The following CR1 variants were observed in gnomAD, a reference collection of about 807,000 sequenced individuals.
CR1 encodes the protein complement receptor type 1.
CR1 carries 116 observed loss-of-function variants against 187.3 expected under a neutral mutation model. The ratio of observed to expected loss-of-function variants is 0.62; its 90% CI spans 0.53 to 0.72. CR1 has a LOEUF of 0.72. CR1 is among the 30% of genes least tolerant of loss of function. CR1 has a pLI of 0.00. For synonymous variants in CR1, 576 were observed against 747.1 expected (o/e 0.77, Z 3.73); for missense variants, 1,731 against 2,110.7 (o/e 0.82, Z 3.52).
rs570846321 is a variant in CR1 at position 207,575,626 on chromosome 1, T to C, written c.4483T>C (p.Cys1495Arg). ...HRLIGHSSAECILSGNTAHWS... is the reference protein window; with the variant it reads ...HRLIGHSSAERILSGNTAHWS... Reference sequence around the variant, plus strand: ...ACTCATTGGTCACTCATCTGCTGAATGTATCCTCTCAGGCAATACTGCCCA... The same window carrying C: ...ACTCATTGGTCACTCATCTGCTGAACGTATCCTCTCAGGCAATACTGCCCA... Residue 1495 changes from cysteine (C) to arginine (R), a missense_variant, in exon 28 of 47, where the codon TGT becomes CGT. Cys to Arg is a radical substitution (Grantham distance 180). This residue lies in a region of CR1 where 1,312 missense variants were observed against 1,379.6 expected (regional missense o/e 0.95). Coordinates refer to ENST00000367049, the MANE Select transcript of CR1 (RefSeq NM_000651.6). The C allele has an allele frequency of 1.9e-6, 3 of 1,611,876 alleles. No homozygotes were observed. The highest frequency in any genetic ancestry group is 2.7e-5 in the African/African-American group (2 of 74,996).
chr1:207,576,782 T>C (rs1264422976), intron 28 of CR1, among the ~76,000 whole-genome samples: 1 of 152,156 alleles, frequency 6.6e-6, no homozygotes. Flanking sequence ...ATCGTGCCAC[T>C]GCACTCCAGC....
rs1571630538 is a variant in CR1, at chr1:207,639,259, T to TCCTAAAGC, written c.7458-138_7458-137insCCTAAAGC. 36 of 695,362 alleles carry TCCTAAAGC rather than the reference T, an allele frequency of 5.2e-5. No homozygotes were observed. The East Asian group carries it at 9.7e-4, about 19-fold the overall frequency. 43.1% of individuals were successfully genotyped at this position (695,362 alleles called of 1,614,324 possible). On this transcript the variant is annotated intron_variant, in intron 46 of 46. Coordinates refer to ENST00000367049, the MANE Select transcript of CR1 (RefSeq NM_000651.6). Reference sequence around the variant, plus strand: ...TTATAACATTTCCCTCCAAATGTTCTAACTTGTCCTCCTAAAGCAACTCCT... The same window carrying TCCTAAAGC: ...TTATAACATTTCCCTCCAAATGTTCTCCTAAAGCAACTTGTCCTCCTAAAGCAACTCCT...
At chr1:207,622,924 A>G (rs1408123186) in intron 44 of CR1, 69 bp from the exon 45 acceptor site, 2 of 1,106,446 alleles carry the variant, frequency 1.8e-6, no homozygotes, top group Non-Finnish European at 2.6e-6. Flanking sequence ...GGGACTGGAT[A>G]CTAAGATAGA....
chr1:207,516,503 T>G (rs1659812565), intron 4 of CR1, among the ~76,000 whole-genome samples: 1 of 152,234 alleles, frequency 6.6e-6, no homozygotes. Flanking sequence ...ATATAAAATT[T>G]AGAATCAGCT....
At chr1:207,524,343 TAAAAC>T (rs1457740888) in intron 5 of CR1, among the ~76,000 whole-genome samples, 1 of 152,014 alleles carries the variant, frequency 6.6e-6, no homozygotes, top group Non-Finnish European at 1.5e-5. Context: ...TTTTAATCCT[TAAAAC>T]AAAGTTATTA....
chr1:207,586,036 C>T (rs1661101546), intron 33 of CR1, among the ~76,000 whole-genome samples: 1 of 152,098 alleles, frequency 6.6e-6, no homozygotes, highest in Non-Finnish European at 1.5e-5. Context: ...ATGCAGCACA[C>T]AATATACTCT....
intron 46 of CR1, among the ~76,000 whole-genome samples, chr1:207,633,960 G>A (rs932950193): frequency 1.3e-5 from 2 of 152,184 alleles, no homozygotes; most frequent in African/African-American, 4.8e-5. Flanking sequence ...GTCGCAAGGT[G>A]CTCAGTGGGG....
intron 35 of CR1, chr1:207,600,610 G>A (rs938530749): frequency 6.6e-6 from 1 of 152,142 alleles, no homozygotes; most frequent in African/African-American, 2.4e-5. Context: ...TTTAAAAACA[G>A]CCATTGCAGA....
At chr1:207,621,892 T>C (rs1371469972) in intron 43 of CR1, 81 bp from the exon 44 acceptor site, 9 of 1,171,524 alleles carry the variant, frequency 7.7e-6, no homozygotes, top group Non-Finnish European at 1.1e-5. Context: ...AAAATCAGGA[T>C]GACTTGTCAC....
intron 4 of CR1, among the ~76,000 whole-genome samples, chr1:207,516,155 A>C (rs889336308): frequency 6.6e-5 from 10 of 152,148 alleles, no homozygotes; most frequent in African/African-American, 2.4e-4. Flanking sequence ...ACAGAGGTTC[A>C]AGGCTTCAGT....
intron 41 of CR1, among the ~76,000 whole-genome samples, chr1:207,617,040 G>A (rs1405355367): frequency 1.3e-5 from 2 of 152,074 alleles, no homozygotes; most frequent in Non-Finnish European, 2.9e-5. Context: ...GGAGAGAAGG[G>A]GGTGGACAGT....
In CR1 at chr1:207,607,287, C is replaced by A; in HGVS notation, c.5847C>A (p.Leu1949=). ...TTGGTTCCCCATCTACTACTTGTCT[C>A]GTCTCAGGCAATAATGTCACATGGG... ...RLIGSPSTTC[L]VSGNNVTWDK... The change falls in exon 36 of 47, where the codon CTC becomes CTA. Residue 1949 remains leucine, a synonymous_variant. Transcript: ENST00000367049. The A allele has an allele frequency of 6.2e-7, 1 of 1,613,586 alleles. No homozygotes were observed. The highest frequency in any genetic ancestry group is 8.5e-7 in the Non-Finnish European group (1 of 1,179,576).
At chr1:207,516,269 A>G (rs1184747414) in intron 4 of CR1, among the ~76,000 whole-genome samples, 1 of 152,200 alleles carries the variant, frequency 6.6e-6, no homozygotes, top group Non-Finnish European at 1.5e-5. Context: ...TATTCCTTGC[A>G]TAGTGCAATG....
intron 1 of CR1, among the ~76,000 whole-genome samples, chr1:207,505,649 A>G (rs1405739045): frequency 2.6e-5 from 4 of 152,024 alleles, no homozygotes; most frequent in East Asian, 1.9e-4. Flanking sequence ...AGCCTGGCCA[A>G]CATGGTAAAA....
intron 4 of CR1, among the ~76,000 whole-genome samples, chr1:207,514,990 T>TAC (rs1291025866): frequency 0.01 from 1,317 of 127,524 alleles, 25 homozygotes; most frequent in African/African-American, 0.039. Context: ...CATATATATA[T>TAC]ATATACACAC....
chr1:207,599,068 ATGT>A (rs1661532555), intron 35 of CR1: 1 of 152,246 alleles, frequency 6.6e-6, no homozygotes, highest in South Asian at 2.1e-4. Context: ...AATACACCGT[ATGT>A]TAACAGAAAA....
At chr1:207,616,295 T>C (rs1013048186) in intron 40 of CR1, among the ~76,000 whole-genome samples, 4 of 152,018 alleles carry the variant, frequency 2.6e-5, no homozygotes, top group African/African-American at 7.2e-5. Flanking sequence ...TGGGTGTTTT[T>C]AAAAAAAATA....
At chr1:207,506,193 G>T (rs1659426995) in intron 2 of CR1, 110 bp downstream of exon 2, 5 of 1,265,802 alleles carry the variant, frequency 4.0e-6, no homozygotes, top group Admixed American at 4.3e-5. Context: ...GTTTGCCAAG[G>T]TGCAATACAT....
intron 3 of CR1, among the ~76,000 whole-genome samples, chr1:207,508,969 T>C (rs370961295): frequency 9.2e-4 from 140 of 152,374 alleles, no homozygotes; most frequent in South Asian, 1.7e-3. Context: ...CATTTGGAGT[T>C]GGTCTCTTCC....
Sources: allele counts gnomAD v4.1 joint callset (sites outside exome capture counted in the v4.1 genomes callset), GRCh38; gene constraint gnomAD v4.1.1; regional missense constraint gnomAD v4.1.1; transcripts MANE v1.5; gene names NCBI Gene and HGNC (gene_info 2026-07-23, HGNC 2026-07-21).